TMEM132D: variants seen among roughly 807,000 people sequenced by gnomAD.
TMEM132D encodes the protein mature OL transmembrane protein.
In TMEM132D, 21 loss-of-function variants were observed where a neutral mutation model predicts 62.3. That is an observed-to-expected ratio of 0.34 (90% CI 0.24 to 0.49). The LOEUF is 0.49. TMEM132D is among the 20% of genes least tolerant of loss of function. The pLI is 0.99. For synonymous variants in TMEM132D, 621 were observed against 575.6 expected (o/e 1.08, Z -1.13); for missense variants, 1,346 against 1,402.8 (o/e 0.96, Z 0.65).
At chr12:129,153,329 A>G (rs914894355) in intron 5 of TMEM132D, among the ~76,000 whole-genome samples, 1 of 152,136 alleles carries the variant, frequency 6.6e-6, no homozygotes, top group African/African-American at 2.4e-5. Context: ...TGCAGAATTT[A>G]AATGTGGTGT....
intron 4 of TMEM132D, among the ~76,000 whole-genome samples, chr12:129,248,792 G>A (rs1880190343): frequency 6.6e-6 from 1 of 152,118 alleles, no homozygotes; most frequent in Non-Finnish European, 1.5e-5. Flanking sequence ...AGAACATGCA[G>A]TATTTGCTTT....
At chr12:129,446,916 G>A (rs149103606) in intron 3 of TMEM132D, among the ~76,000 whole-genome samples, 8 of 152,270 alleles carry the variant, frequency 5.3e-5, no homozygotes, top group East Asian at 1.9e-4. Context: ...TAAATGCTTC[G>A]GATATGGAGC....
intron 3 of TMEM132D, among the ~76,000 whole-genome samples, chr12:129,347,599 C>A (rs1181060825): frequency 1.3e-5 from 2 of 152,014 alleles, no homozygotes; most frequent in African/African-American, 4.8e-5. Context: ...CCTAAAACCA[C>A]AAAAACCCTA....
chr12:129,421,689 A>G (rs71464501), intron 3 of TMEM132D, among the ~76,000 whole-genome samples: 27,898 of 152,152 alleles, frequency 0.18, 2,965 homozygotes, highest in East Asian at 0.31. Context: ...TTACTTGGCT[A>G]TATTTTTGAT....
intron 3 of TMEM132D, among the ~76,000 whole-genome samples, chr12:129,341,648 C>G (rs1028056074): frequency 6.6e-6 from 1 of 152,140 alleles, no homozygotes; most frequent in African/African-American, 2.4e-5. Flanking sequence ...TTGGGAGTGT[C>G]CAGATATCCC....
At chr12:129,253,589 A>G (rs879864850) in intron 4 of TMEM132D, among the ~76,000 whole-genome samples, 10 of 152,244 alleles carry the variant, frequency 6.6e-5, no homozygotes, top group African/African-American at 1.2e-4. Context: ...TATTTCTGAC[A>G]CTGAGCAAAG....
intron 3 of TMEM132D, among the ~76,000 whole-genome samples, chr12:129,436,630 G>C (rs973627940): frequency 6.6e-6 from 1 of 152,198 alleles, no homozygotes; most frequent in African/African-American, 2.4e-5. Context: ...CTCTTTTGCA[G>C]ATGAAGGGAA....
At chr12:129,853,413 G>C (rs911392637) in intron 1 of TMEM132D, 1 of 152,186 alleles carries the variant, frequency 6.6e-6, no homozygotes, top group Non-Finnish European at 1.5e-5. Context: ...ATGAACGAGG[G>C]CTCTCACCCA....
At position 129,882,490 on chromosome 12, in the gene TMEM132D, G is replaced by A. The variant is rs542828293; in HGVS notation, c.79+20771C>T. ...AAAATAAATCAGTGTAATCCACCAC[G>A]TCATCCAGCTTACTAAGACAAGTCA... On this transcript the variant is annotated intron_variant, in intron 1 of 8. Coordinates refer to ENST00000422113, the MANE Select transcript of TMEM132D (RefSeq NM_133448.3). 4.6e-5 allele frequency among the ~76,000 whole-genome samples: 7 copies of A among 152,250 alleles called. No individual in the cohort carries two copies. The South Asian group carries it at 6.2e-4, about 14-fold the overall frequency.
intron 1 of TMEM132D, among the ~76,000 whole-genome samples, chr12:129,757,737 TTG>T (rs1342987366): frequency 7.9e-5 from 12 of 152,288 alleles, no homozygotes; most frequent in Admixed American, 6.5e-4. Context: ...GAGCAATGTT[TTG>T]TGTGTTTAAT....
At chr12:129,300,206 T>C (rs1486120211) in intron 4 of TMEM132D, among the ~76,000 whole-genome samples, 1 of 152,112 alleles carries the variant, frequency 6.6e-6, no homozygotes, top group Non-Finnish European at 1.5e-5. Flanking sequence ...GAGTGTGTGG[T>C]CTGAATCCAA....
chr12:129,086,183 C>T (rs1874611048), intron 5 of TMEM132D, among the ~76,000 whole-genome samples: 2 of 144,314 alleles, frequency 1.4e-5, no homozygotes, highest in Non-Finnish European at 3.0e-5. Flanking sequence ...TCCATCACCT[C>T]ACATAGTCAC....
At chr12:129,824,127 C>T (rs1011416542) in intron 1 of TMEM132D, among the ~76,000 whole-genome samples, 4 of 152,108 alleles carry the variant, frequency 2.6e-5, no homozygotes, top group African/African-American at 7.2e-5. Flanking sequence ...CGCAAGAATT[C>T]GAACCCAGGA....
At chr12:129,641,853 G>A (rs940414686) in intron 2 of TMEM132D, among the ~76,000 whole-genome samples, 2 of 152,126 alleles carry the variant, frequency 1.3e-5, no homozygotes, top group African/African-American at 2.4e-5. Flanking sequence ...CTGCAGCAGC[G>A]CATCTGAAGG....
At chr12:129,426,397 A>C (rs1228237440) in intron 3 of TMEM132D, among the ~76,000 whole-genome samples, 1 of 152,216 alleles carries the variant, frequency 6.6e-6, no homozygotes, top group Non-Finnish European at 1.5e-5. Flanking sequence ...GAAATAAATC[A>C]GTTTAAATGC....
chr12:129,656,057 C>T (rs1336003141), intron 2 of TMEM132D, among the ~76,000 whole-genome samples: 2 of 152,146 alleles, frequency 1.3e-5, no homozygotes, highest in South Asian at 2.1e-4. Flanking sequence ...AATAGATTTC[C>T]CATTCTATAA....
At chr12:129,257,270 G>A (rs565302098) in intron 4 of TMEM132D, among the ~76,000 whole-genome samples, 2 of 146,636 alleles carry the variant, frequency 1.4e-5, no homozygotes, top group African/African-American at 2.5e-5. Flanking sequence ...GCAGTGGCAC[G>A]ATCTCGGCTC....
chr12:129,298,508 C>T (rs1881630363), intron 4 of TMEM132D, among the ~76,000 whole-genome samples: 1 of 152,006 alleles, frequency 6.6e-6, no homozygotes. Context: ...TATAAAAGGC[C>T]TCACTGTTAA....
intron 5 of TMEM132D, among the ~76,000 whole-genome samples, chr12:129,149,787 T>C (rs568935654): frequency 6.6e-6 from 1 of 152,244 alleles, no homozygotes; most frequent in East Asian, 1.9e-4. Context: ...CAGTGGGTGG[T>C]CACCTCATTC....
Sources: allele counts gnomAD v4.1 joint callset (sites outside exome capture counted in the v4.1 genomes callset), GRCh38; gene constraint gnomAD v4.1.1; transcripts MANE v1.5; gene names NCBI Gene and HGNC (gene_info 2026-07-23, HGNC 2026-07-21).